IFIT3: variants seen among roughly 807,000 people sequenced by gnomAD.
The protein encoded by IFIT3 is interferon induced protein with tetratricopeptide repeats 3, also known as interferon-induced protein with tetratricopeptide repeats 3.
IFIT3 carries 2 observed loss-of-function variants against 2.4 expected under a neutral mutation model. The ratio of observed to expected loss-of-function variants is 0.82; its 90% confidence interval spans 0.34 to 2.60. The LOEUF is 2.60. IFIT3 is among the 30% of genes most tolerant of loss of function. The pLI is 0.11. For missense variants in IFIT3, 481 were observed against 562.4 expected (o/e 0.86, Z 1.46); for synonymous variants, 203 against 212.1 (o/e 0.96, Z 0.37).
chr10:89,337,863 GC>G (rs1228224850), intron 1 of IFIT3, among the ~76,000 whole-genome samples: 1 of 152,204 alleles, frequency 6.6e-6, no homozygotes, highest in Non-Finnish European at 1.5e-5. Flanking sequence ...AATGTAGGAA[GC>G]AACTTACAAT....
intron 1 of IFIT3, among the ~76,000 whole-genome samples, chr10:89,334,068 GCACATGTGCAGACAAGAGTGGGGAAAT>G (rs1489186768): frequency 6.6e-6 from 1 of 152,220 alleles, no homozygotes; most frequent in Admixed American, 6.5e-5. Flanking sequence ...GGGACAAGCT[GCACATGTGCAGACAAGAGTGGGGAAAT>G]CCCCACTCTT....
chr10:89,336,675 T>G (rs1438157972), intron 1 of IFIT3, among the ~76,000 whole-genome samples: 3 of 152,232 alleles, frequency 2.0e-5, no homozygotes, highest in Non-Finnish European at 4.4e-5. Flanking sequence ...CTTTTCTATC[T>G]TTTAAAATAA....
chr10:89,334,105 T>C (rs1356881824), intron 1 of IFIT3, among the ~76,000 whole-genome samples: 4 of 152,168 alleles, frequency 2.6e-5, no homozygotes, highest in Non-Finnish European at 4.4e-5. Flanking sequence ...TCCCCACTCT[T>C]ACCACTTCAA....
intron 1 of IFIT3, among the ~76,000 whole-genome samples, chr10:89,337,959 T>C (rs1433294822): frequency 2.0e-5 from 3 of 152,234 alleles, no homozygotes; most frequent in African/African-American, 7.2e-5. Flanking sequence ...TTACATGAGA[T>C]ACTCAACACT....
rs189367014 is a variant in IFIT3 at position 89,333,164 on chromosome 10, G to T, written c.5+5086G>T. On this transcript the variant is annotated intron_variant, in intron 1 of 1. Coordinates refer to ENST00000371818, the MANE Select transcript of IFIT3 (RefSeq NM_001549.6). Reference sequence around the variant, plus strand: ...ATATGTCTACTTGAGTTGTCCTCTAGCAGGTCTAGTGACCTGCTAAGCCTC... The same window carrying T: ...ATATGTCTACTTGAGTTGTCCTCTATCAGGTCTAGTGACCTGCTAAGCCTC... Among the ~76,000 whole-genome samples the T allele has an allele frequency of 5.4e-3, 819 of 152,236 alleles. 1 individual carries two copies. The highest frequency in any genetic ancestry group is 0.011 in the Admixed American group (170 of 15,294).
rs201016661 is a variant in IFIT3 at position 89,339,996 on chromosome 10, G to A, written c.1341G>A (p.Arg447=). ...CYEKELGRLL[R]DAPSGIGSIF... ...AGAAGGAACTGGGCCGCCTGCTAAG[G>A]GATGCCCCTTCAGGCATAGGCAGTA... Residue 447 remains arginine (R), a synonymous_variant, in exon 2 of 2, where the codon AGG becomes AGA. Coordinates refer to ENST00000371818, the MANE Select transcript of IFIT3 (RefSeq NM_001549.6). 73 of 1,614,202 alleles carry A rather than the reference G, an allele frequency of 4.5e-5. No homozygotes were observed. The highest frequency in any genetic ancestry group is 2.7e-4 in the South Asian group (25 of 91,086).
intron 1 of IFIT3, among the ~76,000 whole-genome samples, chr10:89,332,956 C>T (rs1465883914): frequency 6.6e-6 from 1 of 152,094 alleles, no homozygotes; most frequent in African/African-American, 2.4e-5. Flanking sequence ...GGTTCTGGTT[C>T]GTCTTTTGTT....
At chr10:89,334,470 CTTTTATTCTTTTTTTTT>C (rs1843698893) in intron 1 of IFIT3, among the ~76,000 whole-genome samples, 1 of 59,184 alleles carries the variant, frequency 1.7e-5, no homozygotes, top group South Asian at 4.5e-4. Context: ...TCTTCTTTTT[CTTTTATTCTTTTTTTTT>C]TTTTTTTTTT....
Sources: gnomAD v4.1 joint callset for allele counts (sites outside exome capture counted in the v4.1 genomes callset) on GRCh38, gnomAD v4.1.1 for gene constraint, MANE v1.5 for transcripts, NCBI Gene and HGNC (gene_info 2026-07-23, HGNC 2026-07-21) for gene names.